Variants in LDB2 observed in about 807,000 individuals in gnomAD.
LDB2 encodes LIM domain-binding protein 2.
Under a neutral mutation model 44.3 loss-of-function variants are expected in LDB2, and 12 were observed. The ratio of observed to expected loss-of-function variants is 0.27; its 90% CI spans 0.17 to 0.44. The LOEUF (loss-of-function observed/expected upper bound fraction) is 0.44. Among genes scored for constraint, LDB2 ranks in the 20% least tolerant of loss-of-function variants. The probability of loss-of-function intolerance (pLI) is 1.00; values close to 1 mark genes in which losing one functional copy is unlikely to be tolerated. For missense variants in LDB2, 344 were observed against 473.5 expected, an observed-to-expected ratio of 0.73 and a Z score of 2.54; for synonymous variants, 164 against 174.8, an observed-to-expected ratio of 0.94 and a Z score of 0.49.
At chr4:16,753,858 A>G (rs868643538) in intron 2 of LDB2, among the ~76,000 whole-genome samples, 3 of 152,210 alleles carry the variant, frequency 2.0e-5, no homozygotes, top group African/African-American at 7.2e-5. Context: ...CAGTCTAGAG[A>G]AAACAATGTG....
intron 5 of LDB2, among the ~76,000 whole-genome samples, chr4:16,583,582 C>T (rs1715589268): frequency 6.6e-6 from 1 of 152,298 alleles, no homozygotes; most frequent in South Asian, 2.1e-4. Context: ...GATGATAAGG[C>T]TACTAGAAGA....
At position 16,675,939 on chromosome 4, in the gene LDB2, T is replaced by G. The variant is rs368296449; in HGVS notation, c.236-80064A>C. Among the ~76,000 whole-genome samples, 3 of 152,208 alleles carry G rather than the reference T, an allele frequency of 2.0e-5. No individual in the cohort carries two copies. In the South Asian group the frequency reaches 6.2e-4, roughly 32 times the overall value. On this transcript the variant is annotated intron_variant, in intron 2 of 7. Transcript: ENST00000304523. The stretch of plus-strand genomic sequence containing the variant: ...TGACATATATCTGTTTGTGCCTGAT[T>G]AAACAAAAGTACTTGTCAGAGGAAG...
intron 2 of LDB2, among the ~76,000 whole-genome samples, chr4:16,729,411 C>T (rs1225749011): frequency 2.0e-5 from 3 of 152,022 alleles, no homozygotes. Context: ...CGGAAATTCA[C>T]ATTTAAAACT....
At chr4:16,514,935 G>A (rs972999342) in intron 5 of LDB2, among the ~76,000 whole-genome samples, 1 of 152,124 alleles carries the variant, frequency 6.6e-6, no homozygotes, top group African/African-American at 2.4e-5. Flanking sequence ...CCACTACAGG[G>A]TATATCCCCA....
intron 2 of LDB2, among the ~76,000 whole-genome samples, chr4:16,707,987 C>G (rs985897868): frequency 9.9e-5 from 15 of 152,152 alleles, no homozygotes; most frequent in African/African-American, 3.6e-4. Context: ...TGAGCCATTT[C>G]CCGTGTTCAA....
At chr4:16,557,020 C>G (rs1739874706) in intron 5 of LDB2, among the ~76,000 whole-genome samples, 1 of 152,150 alleles carries the variant, frequency 6.6e-6, no homozygotes, top group South Asian at 2.1e-4. Flanking sequence ...CATATTAAAA[C>G]TGTGGCCATA....
At chr4:16,561,061 C>T (rs1453412802) in intron 5 of LDB2, among the ~76,000 whole-genome samples, 2 of 152,142 alleles carry the variant, frequency 1.3e-5, no homozygotes, top group South Asian at 2.1e-4. Context: ...ATTGATGGGA[C>T]ATATCTCAAA....
chr4:16,764,930 G>A (rs1490706996), intron 1 of LDB2, among the ~76,000 whole-genome samples: 1 of 152,168 alleles, frequency 6.6e-6, no homozygotes, highest in East Asian at 1.9e-4. Context: ...AAAGCAGGGT[G>A]CAGCTGATCA....
chr4:16,633,523 GAGAAA>G (rs1560702614), intron 2 of LDB2, among the ~76,000 whole-genome samples: 1 of 152,030 alleles, frequency 6.6e-6, no homozygotes, highest in African/African-American at 2.4e-5. Flanking sequence ...TTGCTACTAA[GAGAAA>G]AAAATACCTA....
At chr4:16,866,380 T>C (rs1418041155) in intron 1 of LDB2, among the ~76,000 whole-genome samples, 2 of 152,258 alleles carry the variant, frequency 1.3e-5, no homozygotes, top group Admixed American at 6.5e-5. Flanking sequence ...TATGTTACTT[T>C]ATTAATTTTA....
intron 2 of LDB2, among the ~76,000 whole-genome samples, chr4:16,706,307 C>A (rs1399212736): frequency 1.3e-5 from 2 of 152,074 alleles, no homozygotes; most frequent in African/African-American, 4.8e-5. Flanking sequence ...GAAGGTGGAG[C>A]CCCCACGAAT....
chr4:16,763,475 C>CACACAG (rs369097355), intron 1 of LDB2, among the ~76,000 whole-genome samples: 2 of 151,154 alleles, frequency 1.3e-5, no homozygotes, highest in Admixed American at 1.3e-4. Flanking sequence ...CACACACACA[C>CACACAG]AGAGTTTTTG....
intron 2 of LDB2, among the ~76,000 whole-genome samples, chr4:16,709,934 C>T (rs983301411): frequency 1.3e-5 from 2 of 152,086 alleles, no homozygotes; most frequent in African/African-American, 4.8e-5. Flanking sequence ...GGCCATGTGA[C>T]CTTGATCTAT....
At chr4:16,880,773 G>A (rs569046617) in intron 1 of LDB2, among the ~76,000 whole-genome samples, 6 of 151,960 alleles carry the variant, frequency 3.9e-5, no homozygotes, top group Middle Eastern at 3.4e-3. Context: ...GTGTGGTGGC[G>A]GGTGCCTGTA....
intron 1 of LDB2, among the ~76,000 whole-genome samples, chr4:16,875,503 T>C (rs1319195890): frequency 6.6e-6 from 1 of 152,220 alleles, no homozygotes; most frequent in Non-Finnish European, 1.5e-5. Flanking sequence ...CAATTTTACT[T>C]AAAATTATTT....
At chr4:16,622,274 G>A (rs919427177) in intron 2 of LDB2, among the ~76,000 whole-genome samples, 25 of 152,140 alleles carry the variant, frequency 1.6e-4, no homozygotes, top group African/African-American at 5.5e-4. Flanking sequence ...ATTTCAAGGG[G>A]AACAAATAAA....
chr4:16,744,765 C>T (rs188346895), intron 2 of LDB2, among the ~76,000 whole-genome samples: 5 of 152,156 alleles, frequency 3.3e-5, no homozygotes, highest in African/African-American at 4.8e-5. Flanking sequence ...CCTGAGACAC[C>T]GCGCCCAGCC....
chr4:16,682,352 G>T (rs1244827942), intron 2 of LDB2, among the ~76,000 whole-genome samples: 2 of 152,170 alleles, frequency 1.3e-5, no homozygotes, highest in Non-Finnish European at 2.9e-5. Context: ...GTACAATAAT[G>T]CCTGTAGGAA....
chr4:16,646,811 T>G (rs894150687), intron 2 of LDB2, among the ~76,000 whole-genome samples: 2 of 152,204 alleles, frequency 1.3e-5, no homozygotes, highest in Non-Finnish European at 2.9e-5. Context: ...TTCCACAAAG[T>G]TCACATAGTT....
Sources: gnomAD v4.1 joint callset for allele counts (sites outside exome capture counted in the v4.1 genomes callset) on GRCh38, gnomAD v4.1.1 for gene constraint, MANE v1.5 for transcripts, NCBI Gene and HGNC (gene_info 2026-07-23, HGNC 2026-07-21) for gene names.